Variants in HOMER2 observed in about 807,000 individuals in gnomAD.
HOMER2 encodes homer protein homolog 2.
HOMER2 carries 27 observed loss-of-function variants against 47.0 expected under a neutral mutation model. The observed-to-expected ratio is 0.57, with a 90% CI of 0.42 to 0.79. The LOEUF (loss-of-function observed/expected upper bound fraction) is 0.79, where lower values mean the gene tolerates loss of function less well. Among genes scored for constraint, HOMER2 ranks in the 30% least tolerant of loss-of-function variants. The pLI, the probability that HOMER2 is intolerant of heterozygous loss-of-function variation, is 0.00. For synonymous variants in HOMER2, 161 were observed against 163.8 expected (o/e 0.98, Z 0.13); for missense variants, 443 against 435.0 (o/e 1.02, Z -0.16).
At chr15:82,904,485 C>G (rs569531428) in intron 1 of HOMER2, among the ~76,000 whole-genome samples, 1 of 152,136 alleles carries the variant, frequency 6.6e-6, no homozygotes, top group Non-Finnish European at 1.5e-5. Context: ...AAAATCCCCT[C>G]GTGCTTGAGG....
At chr15:82,867,813 GA>G (rs995177064) in intron 3 of HOMER2, among the ~76,000 whole-genome samples, 6 of 152,026 alleles carry the variant, frequency 3.9e-5, no homozygotes, top group East Asian at 1.9e-4. Flanking sequence ...AATATGGGGG[GA>G]AAAAAGGCCC....
At chr15:82,956,940 C>T (rs117837466), upstream of HOMER2, among the ~76,000 whole-genome samples, 1,658 of 152,246 alleles carry the variant, frequency 0.011, 9 homozygotes, top group Non-Finnish European at 0.017. Context: ...TGAGCCTCAG[C>T]GCTCTAATCT....
At chr15:82,903,676 C>T (rs951544111) in intron 1 of HOMER2, among the ~76,000 whole-genome samples, 2 of 152,048 alleles carry the variant, frequency 1.3e-5, no homozygotes, top group Non-Finnish European at 2.9e-5. Flanking sequence ...CACACACACA[C>T]ACGCCACACC....
rs1471823041 is a variant in HOMER2, at chr15:82,960,868, C to CATA, written n.83-1563_83-1561dup. On this transcript the variant is annotated intron_variant and non_coding_transcript_variant, in intron 1 of 1. Transcript: ENST00000500334. ...AGGTCTTCTGGAAATCTGGGGTCCT[C>CATA]ATAGTGAGGAACACCTTTGCAGGAA... Among the ~76,000 whole-genome samples, 3 of 152,186 alleles carry CATA rather than the reference C, an allele frequency of 2.0e-5. No homozygotes were observed. In the East Asian group the frequency reaches 5.8e-4, roughly 29 times the overall value.
intron 1 of HOMER2, among the ~76,000 whole-genome samples, chr15:82,912,971 G>C (rs567049117): frequency 6.6e-6 from 1 of 152,268 alleles, no homozygotes; most frequent in South Asian, 2.1e-4. Flanking sequence ...ACCTATTTCA[G>C]GGTCTTTTAT....
chr15:82,865,015 A>G (rs2051920655), intron 3 of HOMER2, among the ~76,000 whole-genome samples: 2 of 152,246 alleles, frequency 1.3e-5, no homozygotes. Context: ...TTGAGAACTC[A>G]TTTATTTCTG....
intron 1 of HOMER2, among the ~76,000 whole-genome samples, chr15:82,927,973 CAAAAAAAAAAA>C (rs928406358): frequency 1.7e-5 from 1 of 57,328 alleles, no homozygotes; most frequent in Non-Finnish European, 4.3e-5. Context: ...AACTCCGTCT[CAAAAAAAAAAA>C]AAAAAAAAAA....
At chr15:82,867,268 G>A (rs1035058592) in intron 3 of HOMER2, among the ~76,000 whole-genome samples, 8 of 151,728 alleles carry the variant, frequency 5.3e-5, no homozygotes, top group African/African-American at 1.9e-4. Flanking sequence ...CTGCTTGAGA[G>A]GTGGGTGGAT....
chr15:82,926,896 TA>T (rs1218740035), intron 1 of HOMER2, among the ~76,000 whole-genome samples: 6 of 152,172 alleles, frequency 3.9e-5, no homozygotes, highest in Non-Finnish European at 8.8e-5. Context: ...ACCTTGATAC[TA>T]AACTACCCAG....
At chr15:82,836,379 TCA>T (rs1488633196), downstream of HOMER2, among the ~76,000 whole-genome samples, 3 of 152,164 alleles carry the variant, frequency 2.0e-5, no homozygotes, top group African/African-American at 4.8e-5. Context: ...GACAAAACCC[TCA>T]GAGACTTGGT....
chr15:82,851,489 G>T (rs1328576678), intron 7 of HOMER2, among the ~76,000 whole-genome samples: 2 of 152,238 alleles, frequency 1.3e-5, no homozygotes, highest in Non-Finnish European at 2.9e-5. Flanking sequence ...AGTGGAGAAA[G>T]TGAGGCCTAG....
intron 1 of HOMER2, among the ~76,000 whole-genome samples, chr15:82,904,895 A>C (rs1034120441): frequency 1.3e-5 from 2 of 152,222 alleles, no homozygotes; most frequent in Non-Finnish European, 2.9e-5. Context: ...AAAAGTAAAA[A>C]AATAAAATAA....
intron 1 of HOMER2, among the ~76,000 whole-genome samples, chr15:82,921,131 C>T (rs2053717856): frequency 6.6e-6 from 1 of 152,032 alleles, no homozygotes; most frequent in Admixed American, 6.5e-5. Context: ...CCCATCTCTA[C>T]AAAAAATACA....
chr15:82,916,933 C>G (rs1189263257), intron 1 of HOMER2, among the ~76,000 whole-genome samples: 1 of 152,134 alleles, frequency 6.6e-6, no homozygotes, highest in Non-Finnish European at 1.5e-5. Flanking sequence ...TCCCGAGTAG[C>G]TGGGATTACA....
At chr15:82,850,156 C>T (rs2051344924) in intron 8 of HOMER2, among the ~76,000 whole-genome samples, 1 of 152,238 alleles carries the variant, frequency 6.6e-6, no homozygotes, top group African/African-American at 2.4e-5. Flanking sequence ...GCCTGAAAAC[C>T]CAAGACCCAA....
intron 1 of HOMER2, among the ~76,000 whole-genome samples, chr15:82,904,879 C>T (rs564065548): frequency 1.3e-5 from 2 of 152,176 alleles, no homozygotes; most frequent in East Asian, 3.9e-4. Context: ...AATTACAAAG[C>T]ACACCAAAAG....
intron 5 of HOMER2, among the ~76,000 whole-genome samples, chr15:82,858,321 ACT>A (rs1361663966): frequency 4.6e-5 from 7 of 151,188 alleles, no homozygotes; most frequent in Non-Finnish European, 8.8e-5. Flanking sequence ...CAAGAGTCTC[ACT>A]CTGTCATCCA....
chr15:82,955,032 T>C (rs2054574162), upstream of HOMER2, among the ~76,000 whole-genome samples: 2 of 152,286 alleles, frequency 1.3e-5, no homozygotes, highest in East Asian at 3.9e-4. Context: ...CACCTCAGCC[T>C]CCCAAAGTGC....
chr15:82,952,589 G>A lies in HOMER2; in HGVS notation c.-54C>T. 8.8e-7 allele frequency: 1 copy of A among 1,140,402 alleles called. No individual in the cohort carries two copies. Among genetic ancestry groups the A allele is most frequent in the Non-Finnish European group, 1.1e-6 (1 of 929,684 alleles). 70.6% of individuals were successfully genotyped at this position (1,140,402 alleles called of 1,614,324 possible). Reference sequence around the variant, plus strand: ...ACGGGGCCTCTCGCGCTCGCTCTCCGCCCGCTCGGCAGCCGCTCCCCGCGC... The same window carrying A: ...ACGGGGCCTCTCGCGCTCGCTCTCCACCCGCTCGGCAGCCGCTCCCCGCGC... On this transcript the variant is annotated 5_prime_UTR_variant, in exon 1 of 9. Coordinates refer to ENST00000450735, the MANE Select transcript of HOMER2 (RefSeq NM_004839.4).
Sources: allele counts gnomAD v4.1 joint callset (sites outside exome capture counted in the v4.1 genomes callset), GRCh38; gene constraint gnomAD v4.1.1; transcripts MANE v1.5; gene names NCBI Gene and HGNC (gene_info 2026-07-23, HGNC 2026-07-21).